IDH2: variants seen among roughly 807,000 people sequenced by gnomAD.
IDH2 encodes isocitrate dehydrogenase [NADP], mitochondrial.
IDH2 carries 18 observed loss-of-function variants against 50.5 expected under a neutral mutation model. That is an observed-to-expected ratio of 0.36 (90% confidence interval 0.25 to 0.53). The LOEUF (loss-of-function observed/expected upper bound fraction) is 0.53. IDH2 is among the 20% of genes least tolerant of loss of function. The pLI, the probability that IDH2 is intolerant of heterozygous loss-of-function variation, is 0.92. For synonymous variants in IDH2, 280 were observed against 239.8 expected (o/e 1.17, Z -1.55); for missense variants, 518 against 610.7 (o/e 0.85, Z 1.60).
At chr15:90,096,710 C>G (rs4516205) in intron 1 of IDH2, among the ~76,000 whole-genome samples, 63,991 of 151,840 alleles carry the variant, frequency 0.42, 15,456 homozygotes, top group Non-Finnish European at 0.56. Flanking sequence ...GTCAGAAGAT[C>G]GAGACCATCC....
chr15:90,093,132 T>C (rs901030854), intron 1 of IDH2, among the ~76,000 whole-genome samples: 1 of 152,156 alleles, frequency 6.6e-6, no homozygotes, highest in African/African-American at 2.4e-5. Flanking sequence ...CAGTAAGAGG[T>C]TGTCCAGGGG....
rs59583363 is a variant in IDH2, at chr15:90,083,119, A to ATTTTTTTTTTTT, written c.*1135_*1146dup. The ATTTTTTTTTTTT allele has an allele frequency of 3.2e-4, 20 of 62,706 alleles. 5 individuals are homozygous for ATTTTTTTTTTTT. Among genetic ancestry groups the ATTTTTTTTTTTT allele is most frequent in the African/African-American group, 9.1e-4 (15 of 16,526 alleles). 3.9% of individuals were successfully genotyped at this position (62,706 alleles called of 1,614,324 possible). ...GGGGCTAAAAAACTTGCATAGAGCAATTTTTTTTTTTTTTTTTTTTTTTTT... is the reference window on the plus strand; with the variant it reads ...GGGGCTAAAAAACTTGCATAGAGCAATTTTTTTTTTTTTTTTTTTTTTTTTTTTTTTTTTTTT... On this transcript the variant is annotated 3_prime_UTR_variant, in exon 11 of 11. Transcript: ENST00000330062.
Position 90,085,889 on chromosome 15 carries a change from G to C in IDH2, c.968-502C>G, listed in dbSNP as rs1900847596. ...GTCAACTCCAGCAAGCTTTTCTATT[G>C]TCAAGGACTCCAGGGCTTCAAAGGC... On this transcript the variant is annotated intron_variant, in intron 7 of 10. Transcript: ENST00000330062. The surrounding 1 kb of genome is among the most constrained non-coding windows in gnomAD (Gnocchi z 5.5). Among the ~76,000 whole-genome samples, 1 of 152,156 alleles carries C rather than the reference G, an allele frequency of 6.6e-6. No individual in the cohort carries two copies. Among genetic ancestry groups the C allele is most frequent in the South Asian group, 2.1e-4 (1 of 4,828 alleles).
chr15:90,085,368 C>G lies in IDH2; in HGVS notation c.987G>C (p.Leu329=), dbSNP rs752711856. 1.3e-5 allele frequency: 21 copies of G among 1,557,288 alleles called. No individual in the cohort carries two copies. In the South Asian group the frequency reaches 2.4e-4, roughly 18 times the overall value. Residue 329 remains leucine, a synonymous_variant, in exon 8 of 11, where the codon CTG becomes CTC. Transcript: ENST00000330062. The surrounding 1 kb of genome is among the most constrained non-coding windows in gnomAD (Gnocchi z 5.5). ...CAGGGCAGACCAGGACGGACGTCAT[C>G]AGGCCAAGGGAGCCAAAGCCTGGAG... The part of the protein sequence containing the change: ...ILAQGFGSLG[L]MTSVLVCPDG...
intron 3 of IDH2, 34 bp from the exon 4 acceptor site, chr15:90,088,781 A>G (rs1418885224): frequency 1.2e-6 from 2 of 1,612,716 alleles, no homozygotes; most frequent in Admixed American, 3.3e-5. Flanking sequence ...GTCCCACTGC[A>G]GCCGCCATCT....
chr15:90,096,862 T>C (rs930804879), intron 1 of IDH2, among the ~76,000 whole-genome samples: 2 of 150,408 alleles, frequency 1.3e-5, no homozygotes, highest in Non-Finnish European at 3.0e-5. Context: ...TGCAGTGAGC[T>C]GAGATCGCGC....
In IDH2 at chr15:90,087,496, G is replaced by T; in HGVS notation, c.758C>A (p.Thr253Asn). The change falls in exon 6 of 11, where the codon ACC becomes AAC. Residue 253 changes from threonine to asparagine, a missense_variant. Thr to Asn is a moderately conservative substitution (Grantham distance 65). Transcript: ENST00000330062. ...KWPLYMSTKN[T>N]ILKAYDGRFK... ...ACGCCCATCGTAGGCTTTCAGTATG[G>T]TGTTCTTGGTGCTCATGTACAGCGG... 1 of 1,614,230 alleles carries T rather than the reference G, an allele frequency of 6.2e-7. No individual in the cohort carries two copies.
rs368451876 is a variant in IDH2 at position 90,085,095 on chromosome 15, G to A, written c.1084C>T (p.Arg362Trp). The A allele has an allele frequency of 1.7e-5, 28 of 1,613,490 alleles. No homozygotes were observed. Among genetic ancestry groups the A allele is most frequent in the African/African-American group, 1.2e-4 (9 of 74,922 alleles). The change falls in exon 9 of 11, where the codon CGG becomes TGG. Residue 362 changes from arginine (R) to tryptophan (W), a missense_variant. Physicochemically the swap from Arg to Trp is moderately radical, Grantham distance 101. Transcript: ENST00000330062. The surrounding 1 kb of genome is among the most constrained non-coding windows in gnomAD (Gnocchi z 5.5). ...TRHYREHQKG[R>W]PTSTNPIASI... ...GCGATGGGGTTGGTGCTGGTGGGCC[G>A]GCCCTGGGGACGGGGGTTGCAGGGA... is the stretch of plus-strand genomic sequence containing the variant.
At position 90,085,093 on chromosome 15, in the gene IDH2, C is replaced by T. The variant is rs2151546828; in HGVS notation, c.1086G>A (p.Arg362=). 6.2e-7 allele frequency: 1 copy of T among 1,613,624 alleles called. No homozygotes were observed. Among genetic ancestry groups the T allele is most frequent in the Non-Finnish European group, 8.5e-7 (1 of 1,179,904 alleles). The stretch of plus-strand genomic sequence containing the variant: ...TGGCGATGGGGTTGGTGCTGGTGGG[C>T]CGGCCCTGGGGACGGGGGTTGCAGG... ...TRHYREHQKG[R]PTSTNPIASI... is the part of the protein sequence containing the mutation. The change falls in exon 9 of 11, where the codon CGG becomes CGA. Residue 362 remains arginine, a synonymous_variant. Transcript: ENST00000330062. This position sits in a 1 kb window ranked among gnomAD's most constrained non-coding sequence, Gnocchi z 5.5.
rs1901304731 is a variant in IDH2, at chr15:90,100,635, TGCAGGAATTACCAG to T, written c.115+1627_115+1640del. ...GCGTTGCAAAATAGGAAAAGATGCGTGCAGGAATTACCAGGCAGCAAAGACACGGGGCTCTTTTA... is the reference window on the plus strand; with the variant it reads ...GCGTTGCAAAATAGGAAAAGATGCGTGCAGCAAAGACACGGGGCTCTTTTA... On this transcript the variant is annotated intron_variant, in intron 1 of 10. Transcript: ENST00000330062. This position sits in a 1 kb window ranked among gnomAD's most constrained non-coding sequence, Gnocchi z 4.1. 1 of 985,296 alleles carries T rather than the reference TGCAGGAATTACCAG, an allele frequency of 1.0e-6. No homozygotes were observed. The allele number at this position is 985,296 out of a possible 1,614,324, so 61.0% of individuals were successfully genotyped here. A position where few individuals can be genotyped will look rare whatever the true frequency, so the allele number is the denominator to read the frequency against.
chr15:90,084,208 G>A lies in IDH2; in HGVS notation c.*58C>T. 6.8e-7 allele frequency: 1 copy of A among 1,471,076 alleles called. No homozygotes were observed. 91.1% of individuals were successfully genotyped at this position (1,471,076 alleles called of 1,614,324 possible). A position where few individuals can be genotyped will look rare whatever the true frequency, so the allele number is the denominator to read the frequency against. ...TGAGGCTCACCCTCTGCCGCGCTCA[G>A]GAGGACCCGCCGGCTCAGCCCTGGC... On this transcript the variant is annotated 3_prime_UTR_variant, in exon 11 of 11. Transcript: ENST00000330062. The surrounding 1 kb of genome is among the most constrained non-coding windows in gnomAD (Gnocchi z 5.0).
intron 1 of IDH2, among the ~76,000 whole-genome samples, chr15:90,097,529 C>G (rs1461492128): frequency 6.6e-6 from 1 of 152,140 alleles, no homozygotes. Context: ...GTGGATGAAC[C>G]TGGGGGGCAT....
intron 1 of IDH2, 66 bp from the exon 2 acceptor site, chr15:90,091,710 G>C: frequency 1.6e-6 from 2 of 1,247,464 alleles, no homozygotes; most frequent in South Asian, 1.2e-5. Flanking sequence ...TCTCCTCCCA[G>C]CCAGGCCCGC....
chr15:90,090,420 G>A, intron 3 of IDH2, 59 bp downstream of exon 3: 1 of 1,582,396 alleles, frequency 6.3e-7, no homozygotes, highest in Non-Finnish European at 8.6e-7. Context: ...CAAGTCTGGA[G>A]AGGCCGGTGG....
In IDH2 at chr15:90,084,265, C is replaced by G. The variant is rs767032049; in HGVS notation, c.*1G>C. 2.7e-5 allele frequency: 44 copies of G among 1,613,558 alleles called. No individual in the cohort carries two copies. Among genetic ancestry groups the G allele is most frequent in the East Asian group, 2.2e-4 (10 of 44,886 alleles). Reference sequence around the variant, plus strand: ...ACTGCAGCCATGGGTGGCGCCTCCCCCTACTGCCTGCCCAGGGCTCTGTCC... The same window carrying G: ...ACTGCAGCCATGGGTGGCGCCTCCCGCTACTGCCTGCCCAGGGCTCTGTCC... On this transcript the variant is annotated 3_prime_UTR_variant, in exon 11 of 11. Transcript: ENST00000330062. The surrounding 1 kb of genome is among the most constrained non-coding windows in gnomAD (Gnocchi z 5.0).
Position 90,090,577 on chromosome 15 carries a change from G to A in IDH2, c.275C>T (p.Thr92Ile). Residue 92 changes from threonine (T) to isoleucine (I), a missense_variant, in exon 3 of 11, where the codon ACT becomes ATT. Transcript: ENST00000330062. ...FDLGLPNRDQ[T>I]DDQVTIDSAL... ...AGAGTCAATGGTGACCTGGTCATCA[G>A]TCTGGTCACGGTTTGGGAGCCCGAG... is the stretch of plus-strand genomic sequence containing the variant. The A allele has an allele frequency of 6.2e-7, 1 of 1,614,170 alleles. No individual in the cohort carries two copies. The highest frequency in any genetic ancestry group is 2.2e-5 in the East Asian group (1 of 44,894).
At position 90,102,361 on chromosome 15, in the gene IDH2, C is replaced by G; in HGVS notation, c.30G>C (p.Ser10=). MAGYLRVVR[S]LCRASGSRPA... is the part of the protein sequence containing the mutation. ...GCCGCGAGCCTGAGGCTCTGCAGAG[C>G]GAGCGCACGACCCGCAGGTAGCCGG... Residue 10 remains serine, a synonymous_variant, in exon 1 of 11, where the codon TCG becomes TCC. Coordinates refer to ENST00000330062, the MANE Select transcript of IDH2 (RefSeq NM_002168.4). 1 of 1,366,574 alleles carries G rather than the reference C, an allele frequency of 7.3e-7. No homozygotes were observed. The highest frequency in any genetic ancestry group is 9.5e-7 in the Non-Finnish European group (1 of 1,049,130). 84.7% of individuals were successfully genotyped at this position (1,366,574 alleles called of 1,614,324 possible).
Position 90,085,466 on chromosome 15 carries a change from C to T in IDH2, c.968-79G>A. 1.0e-6 allele frequency: 1 copy of T among 977,244 alleles called. No homozygotes were observed. The highest frequency in any genetic ancestry group is 1.6e-6 in the Non-Finnish European group (1 of 628,534). 60.5% of individuals were successfully genotyped at this position (977,244 alleles called of 1,614,324 possible). A position where few individuals can be genotyped will look rare whatever the true frequency, so the allele number is the denominator to read the frequency against. On this transcript the variant is annotated intron_variant, in intron 7 of 10. Transcript: ENST00000330062. The surrounding 1 kb of genome is among the most constrained non-coding windows in gnomAD (Gnocchi z 5.5). ...GCTGAGCCCTGCTGCCCTCTACAAC[C>T]CAATATTGTAGCTGCCATAGTTCGT...
intron 2 of IDH2, among the ~76,000 whole-genome samples, chr15:90,091,035 T>G (rs7167577): frequency 0.013 from 1,966 of 147,460 alleles, 49 homozygotes; most frequent in African/African-American, 0.045. Context: ...GTGACAGTTC[T>G]CAACCTTTGT....
Sources: gnomAD v4.1 joint callset for allele counts (sites outside exome capture counted in the v4.1 genomes callset) on GRCh38, gnomAD v4.1.1 for gene constraint, Gnocchi (gnomAD v3.1) non-coding constraint, MANE v1.5 for transcripts, NCBI Gene and HGNC (gene_info 2026-07-23, HGNC 2026-07-21) for gene names.